Variants in NALF1 observed in about 807,000 individuals in gnomAD.
The protein encoded by NALF1 is NALCN channel auxiliary factor 1, also known as family with sequence similarity 155 member A.
In NALF1, 3 loss-of-function variants were observed where a neutral mutation model predicts 48.4. That is an observed-to-expected ratio of 0.06 (90% CI 0.03 to 0.16). The LOEUF is 0.16. NALF1 is among the 10% of genes least tolerant of loss of function. The pLI is 1.00. For synonymous variants in NALF1, 262 were observed against 245.7 expected, an observed-to-expected ratio of 1.07 and a Z score of -0.62; for missense variants, 526 against 571.5, an observed-to-expected ratio of 0.92 and a Z score of 0.81.
chr13:107,576,961 TCAATTCCCTTAAATAAATTA>T (rs1878171304), intron 1 of NALF1, among the ~76,000 whole-genome samples: 1 of 152,076 alleles, frequency 6.6e-6, no homozygotes, highest in South Asian at 2.1e-4. Flanking sequence ...AAACTCGGGG[TCAATTCCCTTAAATAAATTA>T]GAGAATAGGC....
intron 1 of NALF1, among the ~76,000 whole-genome samples, chr13:107,648,478 T>C (rs1880368820): frequency 6.6e-6 from 1 of 152,186 alleles, no homozygotes; most frequent in Non-Finnish European, 1.5e-5. Context: ...GCCATATGCA[T>C]TTAATGTTTA....
In NALF1 at chr13:107,362,954, C is replaced by T. The variant is rs940737179; in HGVS notation, c.916-152199G>A. On this transcript the variant is annotated intron_variant, in intron 1 of 2. Transcript: ENST00000375915. The surrounding 1 kb of genome is among the most constrained non-coding windows in gnomAD (Gnocchi z 4.6). ...CCTTTTCATAGAACTATGATGTCCC[C>T]AAGACTCAAAAGCTTACCATATAAT... Among the ~76,000 whole-genome samples the T allele has an allele frequency of 6.6e-6, 1 of 151,978 alleles. No individual in the cohort carries two copies. The highest frequency in any genetic ancestry group is 2.4e-5 in the African/African-American group (1 of 41,372).
chr13:107,576,357 G>GT (rs912178245), intron 1 of NALF1, among the ~76,000 whole-genome samples: 3 of 152,212 alleles, frequency 2.0e-5, no homozygotes, highest in African/African-American at 4.8e-5. Context: ...AAAGAAAAGT[G>GT]TTTTTTTGTT....
intron 1 of NALF1, among the ~76,000 whole-genome samples, chr13:107,261,667 C>A (rs1363412344): frequency 1.3e-5 from 2 of 152,042 alleles, no homozygotes; most frequent in Admixed American, 6.6e-5. Context: ...TGGGGGTAGG[C>A]AGCCTGTGAA....
intron 1 of NALF1, among the ~76,000 whole-genome samples, chr13:107,732,093 T>C (rs1054439409): frequency 1.3e-5 from 2 of 152,154 alleles, no homozygotes; most frequent in African/African-American, 4.8e-5. Context: ...CTAGGAATCT[T>C]TGACTCTCTA....
intron 1 of NALF1, among the ~76,000 whole-genome samples, chr13:107,555,563 G>C (rs1877444704): frequency 6.7e-6 from 1 of 148,916 alleles, no homozygotes; most frequent in Admixed American, 6.9e-5. Flanking sequence ...CCAAAGTGAT[G>C]AGATTATAGG....
chr13:107,776,010 C>G (rs1877720934), intron 1 of NALF1, among the ~76,000 whole-genome samples: 1 of 152,202 alleles, frequency 6.6e-6, no homozygotes, highest in African/African-American at 2.4e-5. Flanking sequence ...TTGTTTTTCT[C>G]TCAAGTCAAC....
At chr13:107,368,559 C>T (rs894886176) in intron 1 of NALF1, among the ~76,000 whole-genome samples, 11 of 152,320 alleles carry the variant, frequency 7.2e-5, no homozygotes, top group East Asian at 1.9e-4. Context: ...TTCTGGCGTC[C>T]GGTGGTTGCA....
At chr13:107,242,280 A>C (rs1282033226) in intron 1 of NALF1, among the ~76,000 whole-genome samples, 2 of 152,122 alleles carry the variant, frequency 1.3e-5, no homozygotes, top group Admixed American at 6.5e-5. Flanking sequence ...CAAGCAGCCG[A>C]GTGTCCTCAC....
chr13:107,559,533 C>A (rs1283001656), intron 1 of NALF1, among the ~76,000 whole-genome samples: 1 of 152,156 alleles, frequency 6.6e-6, no homozygotes, highest in Admixed American at 6.5e-5. Flanking sequence ...GGAACCAGCT[C>A]AGGCTGAGGA....
At chr13:107,722,611 G>A (rs562458642) in intron 1 of NALF1, among the ~76,000 whole-genome samples, 4 of 152,208 alleles carry the variant, frequency 2.6e-5, no homozygotes, top group East Asian at 1.9e-4. Context: ...TTCTGAAAAC[G>A]GTTGCCTACA....
chr13:107,206,179 C>A (rs1879635613), intron 2 of NALF1, among the ~76,000 whole-genome samples: 1 of 152,098 alleles, frequency 6.6e-6, no homozygotes, highest in African/African-American at 2.4e-5. Flanking sequence ...TAAAACATTT[C>A]TTTAGTCACG....
chr13:107,391,810 AATAT>A (rs1883632433), intron 1 of NALF1, among the ~76,000 whole-genome samples: 1 of 152,048 alleles, frequency 6.6e-6, no homozygotes, highest in South Asian at 2.1e-4. Context: ...ATATTTCTTA[AATAT>A]ATTTGATTGA....
At position 107,620,602 on chromosome 13, in the gene NALF1, C is replaced by G. The variant is rs139327791; in HGVS notation, c.915+245080G>C. Reference sequence around the variant, plus strand: ...TGACTTGGTCCCAGCAGTGAGCACTCTGGCATCTGTGTTCTCTATTCCACT... The same window carrying G: ...TGACTTGGTCCCAGCAGTGAGCACTGTGGCATCTGTGTTCTCTATTCCACT... On this transcript the variant is annotated intron_variant, in intron 1 of 2. Transcript: ENST00000375915. Among the ~76,000 whole-genome samples, 327 of 152,328 alleles carry G rather than the reference C, an allele frequency of 2.1e-3. 2 individuals carry two copies. Among genetic ancestry groups the G allele is most frequent in the African/African-American group, 7.5e-3 (312 of 41,580 alleles).
intron 1 of NALF1, among the ~76,000 whole-genome samples, chr13:107,551,026 AT>A (rs1184549552): frequency 6.6e-6 from 1 of 151,794 alleles, no homozygotes; most frequent in Admixed American, 6.6e-5. Flanking sequence ...CTGTAACCTG[AT>A]TTTTTCCTGA....
In NALF1 at chr13:107,428,843, A is replaced by C. The variant is rs987033418; in HGVS notation, c.916-218088T>G. Among the ~76,000 whole-genome samples the C allele has an allele frequency of 3.4e-4, 51 of 152,214 alleles. 1 individual carries two copies. The highest frequency in any genetic ancestry group is 8.8e-5 in the Non-Finnish European group (6 of 68,034). On this transcript the variant is annotated intron_variant, in intron 1 of 2. Coordinates refer to ENST00000375915, the MANE Select transcript of NALF1 (RefSeq NM_001080396.3). ...ATTAATAAAATTTCAGCTAATTACA[A>C]TCCTCCATCCTTTTACACTATTTGA...
intron 1 of NALF1, among the ~76,000 whole-genome samples, chr13:107,477,394 G>A (rs1336891814): frequency 6.6e-6 from 1 of 152,006 alleles, no homozygotes; most frequent in African/African-American, 2.4e-5. Flanking sequence ...TCACCTCTAG[G>A]AGTCCACTAA....
chr13:107,259,155 T>C (rs7998403), intron 1 of NALF1, among the ~76,000 whole-genome samples: 2 of 152,110 alleles, frequency 1.3e-5, no homozygotes, highest in South Asian at 4.1e-4. Flanking sequence ...GAGCTGCTCC[T>C]GGCCACGTGT....
intron 1 of NALF1, among the ~76,000 whole-genome samples, chr13:107,316,446 C>T (rs913409514): frequency 2.0e-5 from 3 of 152,048 alleles, no homozygotes; most frequent in Non-Finnish European, 4.4e-5. Context: ...TGGTATTTCT[C>T]GTTCTAGATC....
Sources: allele counts gnomAD v4.1 joint callset (sites outside exome capture counted in the v4.1 genomes callset), GRCh38; gene constraint gnomAD v4.1.1; non-coding constraint Gnocchi (gnomAD v3.1); transcripts MANE v1.5; gene names NCBI Gene and HGNC (gene_info 2026-07-23, HGNC 2026-07-21).